The following CERK variants were observed in gnomAD, a reference collection of about 807,000 sequenced individuals.
CERK encodes the protein acylsphingosine kinase.
In CERK, 39 loss-of-function variants were observed where a neutral mutation model predicts 63.4. That is an observed-to-expected ratio of 0.61 (90% CI 0.48 to 0.80). CERK has a LOEUF of 0.80. Ranked by LOEUF, CERK falls within the 30% of genes least tolerant of loss-of-function variation. The pLI is 0.00. For missense variants in CERK, 670 were observed against 714.1 expected (o/e 0.94, Z 0.70); for synonymous variants, 302 against 280.0 (o/e 1.08, Z -0.78).
intron 1 of CERK, chr22:46,735,039 C>G (rs2082965950): frequency 6.6e-6 from 1 of 152,426 alleles, no homozygotes; most frequent in Non-Finnish European, 1.5e-5. Context: ...GATCCTCCCA[C>G]AAAGGTAGAG....
chr22:46,726,396 A>C (rs2082918406), intron 1 of CERK, among the ~76,000 whole-genome samples: 1 of 152,152 alleles, frequency 6.6e-6, no homozygotes, highest in South Asian at 2.1e-4. Context: ...TACAGTGTGG[A>C]AGTCTGTGGA....
At chr22:46,734,232 C>T (rs995407294) in intron 1 of CERK, among the ~76,000 whole-genome samples, 2 of 152,060 alleles carry the variant, frequency 1.3e-5, no homozygotes, top group East Asian at 1.9e-4. Context: ...AGCAGGTGAA[C>T]GGATACACTA....
intron 6 of CERK, among the ~76,000 whole-genome samples, chr22:46,703,775 C>A (rs2082799522): frequency 6.6e-6 from 1 of 152,186 alleles, no homozygotes; most frequent in Admixed American, 6.5e-5. Context: ...AGACGTCACC[C>A]CCTGCCGAAC....
chr22:46,720,904 G>A lies in CERK; in HGVS notation c.254C>T (p.Thr85Ile). The A allele has an allele frequency of 1.9e-6, 3 of 1,586,792 alleles. No individual in the cohort carries two copies. The highest frequency in any genetic ancestry group is 2.6e-6 in the Non-Finnish European group (3 of 1,155,370). ...WQKMEKPYAF[T>I]VHCVKRARRH... ...GAGAAGACATTTAGGCTTATCACCT[G>A]TAAAAGCGTAAGGCTTTTCCATTTT... The change falls in exon 2 of 13, where the codon ACA (threonine) becomes ATA (isoleucine). Residue 85 changes from threonine (T) to isoleucine (I), a missense_variant and splice_region_variant. Physicochemically the swap from Thr to Ile is moderately conservative, Grantham distance 89 (BLOSUM62 -1). Coordinates refer to ENST00000216264, the MANE Select transcript of CERK (RefSeq NM_022766.6).
intron 12 of CERK, among the ~76,000 whole-genome samples, chr22:46,688,132 G>A (rs2082712781): frequency 6.6e-6 from 1 of 152,136 alleles, no homozygotes; most frequent in South Asian, 2.1e-4. Context: ...AGGTTGCAGT[G>A]AGCCGAGACC....
chr22:46,707,546 C>T (rs1466078323), intron 6 of CERK, among the ~76,000 whole-genome samples: 2 of 152,222 alleles, frequency 1.3e-5, no homozygotes, highest in African/African-American at 4.8e-5. Context: ...ACCTACCCAC[C>T]TGCTCCCGGG....
intron 9 of CERK, 150 bp from the exon 10 acceptor site, chr22:46,693,653 GA>G: frequency 1.6e-6 from 1 of 633,024 alleles, no homozygotes; most frequent in Non-Finnish European, 2.8e-6. Flanking sequence ...ATATTAATTA[GA>G]GGTTTCAGAA....
intron 3 of CERK, among the ~76,000 whole-genome samples, chr22:46,715,264 GAAAT>G (rs1424745801): frequency 6.6e-6 from 1 of 152,178 alleles, no homozygotes; most frequent in South Asian, 2.1e-4. Flanking sequence ...ATAAGGAAAA[GAAAT>G]AAAAGAGAGA....
At chr22:46,734,495 C>T (rs1047013308) in intron 1 of CERK, among the ~76,000 whole-genome samples, 6 of 152,166 alleles carry the variant, frequency 3.9e-5, no homozygotes, top group Non-Finnish European at 5.9e-5. Flanking sequence ...ACTCTATTAG[C>T]ATCGTGCCTG....
intron 7 of CERK, 127 bp downstream of exon 7, chr22:46,701,509 A>G (rs900937182): frequency 4.0e-6 from 3 of 741,924 alleles, no homozygotes; most frequent in Admixed American, 2.6e-5. Context: ...AGCAGGGGAC[A>G]CAGCGTGACC....
In CERK at chr22:46,699,375, C is replaced by T. The variant is rs750693837; in HGVS notation, c.881G>A (p.Gly294Glu). 1 of 1,614,142 alleles carries T rather than the reference C, an allele frequency of 6.2e-7. No individual in the cohort carries two copies. The highest frequency in any genetic ancestry group is 1.7e-5 in the Admixed American group (1 of 60,022). Residue 294 changes from glycine to glutamate, a missense_variant, in exon 8 of 13, where the codon GGG becomes GAG. Gly to Glu is a moderately conservative substitution (Grantham distance 98). Coordinates refer to ENST00000216264, the MANE Select transcript of CERK (RefSeq NM_022766.6). ...SVSLLGYGFYGDIIKDSEKKR... is the reference protein window; with the variant it reads ...SVSLLGYGFYEDIIKDSEKKR... ...CTTCTCACTGTCCTTGATGATGTCC[C>T]CGTAGAAGCCGTAGCCCAGCAGGGA...
intron 6 of CERK, among the ~76,000 whole-genome samples, chr22:46,707,128 C>T (rs955053366): frequency 6.6e-6 from 1 of 152,144 alleles, no homozygotes; most frequent in East Asian, 1.9e-4. Flanking sequence ...GGGATGACTG[C>T]GGTGCTCACA....
chr22:46,733,545 C>T (rs987262808), intron 1 of CERK, among the ~76,000 whole-genome samples: 14 of 151,632 alleles, frequency 9.2e-5, no homozygotes, highest in Non-Finnish European at 1.9e-4. Context: ...CCACCCGCCT[C>T]GGCCTCCCAA....
chr22:46,724,697 G>T (rs773135426), intron 1 of CERK, among the ~76,000 whole-genome samples: 2 of 152,182 alleles, frequency 1.3e-5, no homozygotes, highest in Non-Finnish European at 2.9e-5. Flanking sequence ...AAAAATGTCC[G>T]ATAAATGATG....
chr22:46,710,897 G>C lies in CERK; in HGVS notation c.569+189C>G, dbSNP rs138838535. On this transcript the variant is annotated intron_variant, in intron 5 of 12. Coordinates refer to ENST00000216264, the MANE Select transcript of CERK (RefSeq NM_022766.6). ...ACCATTCTCGCCCAGCCCAGCCAGA[G>C]AGGAGTGTGTGACTGCACTTTTCTG... Among the ~76,000 whole-genome samples, 84 of 152,348 alleles carry C rather than the reference G, an allele frequency of 5.5e-4. 1 individual carries two copies. Among genetic ancestry groups the C allele is most frequent in the African/African-American group, 1.9e-3 (79 of 41,580 alleles).
chr22:46,720,652 G>A (rs1258141983), intron 2 of CERK, among the ~76,000 whole-genome samples: 4 of 152,152 alleles, frequency 2.6e-5, no homozygotes, highest in East Asian at 1.9e-4. Flanking sequence ...CCGAGACCGC[G>A]CCACTGCACT....
rs2055910764 is a variant in CERK at position 46,686,626 on chromosome 22, C to T, written c.*508G>A. 1.2e-5 allele frequency: 2 copies of T among 166,880 alleles called. No individual in the cohort carries two copies. Among genetic ancestry groups the T allele is most frequent in the African/African-American group, 4.8e-5 (2 of 41,652 alleles). 10.3% of individuals were successfully genotyped at this position (166,880 alleles called of 1,614,324 possible). A position where few individuals can be genotyped will look rare whatever the true frequency, so the allele number is the denominator to read the frequency against. On this transcript the variant is annotated 3_prime_UTR_variant, in exon 13 of 13. Transcript: ENST00000216264. Reference sequence around the variant, plus strand: ...TGCAGTTGCACAGTATTGTAAGGATCAAGCAGCGATGTCCTAACCGTAAAC... The same window carrying T: ...TGCAGTTGCACAGTATTGTAAGGATTAAGCAGCGATGTCCTAACCGTAAAC...
intron 6 of CERK, among the ~76,000 whole-genome samples, chr22:46,703,382 G>A (rs1178580550): frequency 6.6e-6 from 1 of 151,718 alleles, no homozygotes; most frequent in South Asian, 2.1e-4. Context: ...AGCAAGACAA[G>A]CAGTGACCTC....
chr22:46,695,072 C>G, intron 9 of CERK, 138 bp downstream of exon 9: 1 of 593,094 alleles, frequency 1.7e-6, no homozygotes, highest in Non-Finnish European at 3.0e-6. Context: ...TCATGGGCAT[C>G]ATAGGCATCG....
Sources: allele counts gnomAD v4.1 joint callset (sites outside exome capture counted in the v4.1 genomes callset), GRCh38; gene constraint gnomAD v4.1.1; transcripts MANE v1.5; gene names NCBI Gene and HGNC (gene_info 2026-07-23, HGNC 2026-07-21).